The following TTC22 variants were observed in gnomAD, a reference collection of about 807,000 sequenced individuals.
TTC22 encodes tetratricopeptide repeat protein 22.
Under a neutral mutation model 48.2 loss-of-function variants are expected in TTC22, and 42 were observed. The observed-to-expected ratio is 0.87, with a 90% confidence interval of 0.68 to 1.13. The LOEUF (loss-of-function observed/expected upper bound fraction) is 1.13. Ranked by LOEUF, TTC22 falls within the 50% of genes most tolerant of loss-of-function variation. The pLI is 0.00. For synonymous variants in TTC22, 345 were observed against 365.5 expected, an observed-to-expected ratio of 0.94 and a Z score of 0.64; for missense variants, 784 against 807.0, an observed-to-expected ratio of 0.97 and a Z score of 0.34.
chr1:54,799,949 A>T (rs1646420153), intron 1 of TTC22, among the ~76,000 whole-genome samples: 1 of 152,226 alleles, frequency 6.6e-6, no homozygotes, highest in Non-Finnish European at 1.5e-5. Context: ...GGTGGTGCTA[A>T]GCACTGATTT....
Position 54,781,362 on chromosome 1 carries a change from G to A in TTC22, c.1591C>T (p.Leu531=). The A allele has an allele frequency of 1.4e-6, 2 of 1,397,520 alleles. No individual in the cohort carries two copies. The highest frequency in any genetic ancestry group is 1.6e-5 in the South Asian group (1 of 63,936). 86.6% of individuals were successfully genotyped at this position (1,397,520 alleles called of 1,614,324 possible). Residue 531 remains leucine (L), a synonymous_variant, in exon 7 of 7, where the codon CTG becomes TTG. Transcript: ENST00000371276. ...CCCTGGGCCACCAGGGCCCGGGCCA[G>A]CCCCAACACCTCGTCCGTGTGCCCG... ...WRGHTDEVLG[L]ARALVAQGRP...
At chr1:54,798,784 G>A (rs1336695216) in intron 1 of TTC22, among the ~76,000 whole-genome samples, 1 of 152,168 alleles carries the variant, frequency 6.6e-6, no homozygotes, top group Non-Finnish European at 1.5e-5. Flanking sequence ...GAATTTTCCA[G>A]TTTATGGGCA....
chr1:54,795,602 TA>T (rs1348944964), intron 1 of TTC22, among the ~76,000 whole-genome samples: 1 of 152,172 alleles, frequency 6.6e-6, no homozygotes, highest in African/African-American at 2.4e-5. Context: ...AGAAGTCTCT[TA>T]CCCTCTGCAG....
chr1:54,783,951 G>A (rs899347526), intron 5 of TTC22, among the ~76,000 whole-genome samples: 5 of 152,208 alleles, frequency 3.3e-5, no homozygotes, highest in African/African-American at 9.7e-5. Context: ...GCAGTGGGCC[G>A]TGATCATGCC....
chr1:54,787,944 G>C, intron 2 of TTC22, 98 bp downstream of exon 2: 3 of 1,490,552 alleles, frequency 2.0e-6, no homozygotes, highest in Non-Finnish European at 2.8e-6. Flanking sequence ...CTTTCCAGTA[G>C]GAAGGGCCCA....
At position 54,786,297 on chromosome 1, in the gene TTC22, A is replaced by G. The variant is rs575260062; in HGVS notation, c.859-153T>C. The G allele has an allele frequency of 1.3e-4, 86 of 658,730 alleles. 1 individual carries two copies. The South Asian group carries it at 1.6e-3, about 12-fold the overall frequency. The allele number at this position is 658,730 out of a possible 1,614,324, so 40.8% of individuals were successfully genotyped here. ...ATCCACCCTTATCCACCTGCCAGTA[A>G]GTTGTCACATCACGAAGCCCCAACA... On this transcript the variant is annotated intron_variant, in intron 4 of 6. Coordinates refer to ENST00000371276, the MANE Select transcript of TTC22 (RefSeq NM_001114108.2).
rs780316414 is a variant in TTC22 at position 54,801,002 on chromosome 1, C to T, written c.162G>A (p.Arg54=). The change falls in exon 1 of 7, where the codon CGG becomes CGA. Residue 54 remains arginine (R), a synonymous_variant. Transcript: ENST00000371276. ...RDLKLQREGL[R]QELQLAAAPQ... is the part of the protein sequence containing the mutation. ...GGGCGGCCGCCAGCTGGAGCTCCTG[C>T]CGCAGACCCTCCCGCTGCAGCTTCA... is the stretch of plus-strand genomic sequence containing the variant. 2.5e-6 allele frequency: 4 copies of T among 1,608,568 alleles called. No individual in the cohort carries two copies. The highest frequency in any genetic ancestry group is 1.1e-5 in the South Asian group (1 of 90,738).
chr1:54,798,018 CCTCT>C (rs1263491320), intron 1 of TTC22, among the ~76,000 whole-genome samples: 1 of 152,194 alleles, frequency 6.6e-6, no homozygotes, highest in Non-Finnish European at 1.5e-5. Flanking sequence ...CCACCCACCT[CCTCT>C]CTCTCCATAC....
chr1:54,786,018 C>A lies in TTC22; in HGVS notation c.985G>T (p.Glu329Ter). 1 of 1,614,122 alleles carries A rather than the reference C, an allele frequency of 6.2e-7. No homozygotes were observed. The highest frequency in any genetic ancestry group is 1.1e-5 in the South Asian group (1 of 91,074). The change falls in exon 5 of 7, where the codon GAA (glutamate) becomes TAA (stop). Residue 329 changes from glutamate (E) to a stop codon, truncating the protein, a stop_gained. Transcript: ENST00000371276. LOFTEE classifies it high-confidence loss of function. ...NMALDVLRDP[E>*]LNWQAYCTRA... is the part of the protein sequence containing the mutation. ...GTGCAGTACGCCTGCCAGTTGAGTT[C>A]TGGATCTCGTAGGACATCCAGGGCC...
intron 5 of TTC22, chr1:54,784,884 G>A: frequency 9.4e-7 from 1 of 1,059,522 alleles, no homozygotes; most frequent in Non-Finnish European, 1.3e-6. Context: ...AAGCTAGCAG[G>A]AGGCAGAACT....
At chr1:54,784,575 T>C (rs1646285997) in intron 5 of TTC22, 1 of 1,027,970 alleles carries the variant, frequency 9.7e-7, no homozygotes, top group Non-Finnish European at 1.2e-6. Context: ...CAGAATTTTA[T>C]AGAGATATTT....
chr1:54,788,198 A>T, intron 1 of TTC22, 101 bp from the exon 2 acceptor site: 1 of 1,158,756 alleles, frequency 8.6e-7, no homozygotes, highest in Non-Finnish European at 1.3e-6. Context: ...AGCAGGCACA[A>T]GTGGGAAGGG....
At position 54,800,971 on chromosome 1, in the gene TTC22, G is replaced by A. The variant is rs759257657; in HGVS notation, c.193C>T (p.Arg65Cys). The A allele has an allele frequency of 6.9e-6, 11 of 1,603,230 alleles. No individual in the cohort carries two copies. The highest frequency in any genetic ancestry group is 1.3e-5 in the African/African-American group (1 of 74,778). The change falls in exon 1 of 7, where the codon CGC (arginine) becomes TGC (cysteine). Residue 65 changes from arginine to cysteine, a missense_variant. By Grantham distance (180) the Arg-to-Cys change is radical (BLOSUM62 -3). Transcript: ENST00000371276. ...CCCAGGAGGTGACGCACAGCGGGGC[G>A]CTGCGGGGCGGCCGCCAGCTGGAGC... ...QELQLAAAPQRPAVRHLLGAF... is the reference protein window; with the variant it reads ...QELQLAAAPQCPAVRHLLGAF...
intron 5 of TTC22, chr1:54,784,800 G>A (rs1646287631): frequency 7.7e-7 from 1 of 1,300,106 alleles, no homozygotes; most frequent in Non-Finnish European, 1.0e-6. Context: ...AGTAAACTGG[G>A]AGCTCCGAGT....
chr1:54,787,677 A>C (rs1442464993), intron 3 of TTC22, 34 bp downstream of exon 3: 1 of 1,522,218 alleles, frequency 6.6e-7, no homozygotes, highest in Non-Finnish European at 9.1e-7. Context: ...CAGGGGGCAG[A>C]GGCTGCTGTC....
intron 4 of TTC22, 132 bp from the exon 5 acceptor site, chr1:54,786,276 A>C (rs995515751): frequency 2.7e-4 from 196 of 728,998 alleles, no homozygotes; most frequent in East Asian, 3.4e-4. Context: ...ACCCATATCC[A>C]CCCTTATCCA....
intron 1 of TTC22, among the ~76,000 whole-genome samples, chr1:54,795,399 C>T (rs570680068): frequency 1.3e-5 from 2 of 152,342 alleles, no homozygotes; most frequent in Non-Finnish European, 2.9e-5. Flanking sequence ...CCTGCTGCCA[C>T]CTCCTTTCTG....
At chr1:54,794,388 A>C (rs1349054196) in intron 1 of TTC22, among the ~76,000 whole-genome samples, 3 of 152,226 alleles carry the variant, frequency 2.0e-5, no homozygotes, top group Non-Finnish European at 4.4e-5. Flanking sequence ...GATGGCCCCA[A>C]AAGAAGGAAA....
Position 54,801,094 on chromosome 1 carries a change from G to A in TTC22, c.70C>T (p.His24Tyr). The change falls in exon 1 of 7, where the codon CAC (histidine) becomes TAC (tyrosine). Residue 24 changes from histidine to tyrosine, a missense_variant. His to Tyr is a moderately conservative substitution (Grantham distance 83). Coordinates refer to ENST00000371276, the MANE Select transcript of TTC22 (RefSeq NM_001114108.2). The part of the protein sequence containing the change: ...LIDDLDYLPG[H>Y]FHLEMQLNFE... Reference sequence around the variant, plus strand: ...TTCAACTGCATCTCCAGGTGAAAGTGGCCCGGGAGGTAGTCCAGGTCGTCG... The same window carrying A: ...TTCAACTGCATCTCCAGGTGAAAGTAGCCCGGGAGGTAGTCCAGGTCGTCG... 6.2e-7 allele frequency: 1 copy of A among 1,611,884 alleles called. No individual in the cohort carries two copies. The highest frequency in any genetic ancestry group is 8.5e-7 in the Non-Finnish European group (1 of 1,179,180).
Sources: allele counts gnomAD v4.1 joint callset (sites outside exome capture counted in the v4.1 genomes callset), GRCh38; gene constraint gnomAD v4.1.1; transcripts MANE v1.5; gene names NCBI Gene and HGNC (gene_info 2026-07-23, HGNC 2026-07-21).